Variants in SRPK2 observed in about 807,000 individuals in gnomAD.
SRPK2 encodes SRSF protein kinase 2, also known as SFRS protein kinase 2.
A neutral mutation model predicts 90.8 loss-of-function variants in SRPK2; 21 were observed. The ratio of observed to expected loss-of-function variants is 0.23; its 90% CI spans 0.16 to 0.33. The LOEUF (loss-of-function observed/expected upper bound fraction) is 0.33, where lower values mean the gene tolerates loss of function less well. Ranked by LOEUF, SRPK2 falls within the 10% of genes least tolerant of loss-of-function variation. SRPK2 has a pLI of 1.00. For missense variants in SRPK2, 620 were observed against 869.0 expected, an observed-to-expected ratio of 0.71 and a Z score of 3.60; for synonymous variants, 288 against 311.1, an observed-to-expected ratio of 0.93 and a Z score of 0.78.
At chr7:105,234,686 G>A (rs1425127113) in intron 2 of SRPK2, among the ~76,000 whole-genome samples, 1 of 152,030 alleles carries the variant, frequency 6.6e-6, no homozygotes, top group East Asian at 1.9e-4. Context: ...GCGTTGGAGA[G>A]GCAGCCTTAA....
chr7:105,269,248 C>A (rs142420776), intron 2 of SRPK2, among the ~76,000 whole-genome samples: 80 of 152,100 alleles, frequency 5.3e-4, no homozygotes, highest in African/African-American at 1.9e-3. Flanking sequence ...TGGGTAATCA[C>A]GTCACAGGCT....
chr7:105,179,824 C>CAAAAAAAAAAAAAA (rs1185836588), intron 3 of SRPK2, among the ~76,000 whole-genome samples: 3 of 60,272 alleles, frequency 5.0e-5, no homozygotes, highest in Non-Finnish European at 8.5e-5. Context: ...GAGTCCATCT[C>CAAAAAAAAAAAAAA]AAAAAAAAAA....
intron 2 of SRPK2, chr7:105,301,811 C>G (rs1399657570): frequency 3.8e-6 from 6 of 1,561,058 alleles, no homozygotes; most frequent in Non-Finnish European, 5.3e-6. Flanking sequence ...CCGCTATGAC[C>G]TGTACATTGT....
intron 1 of SRPK2, among the ~76,000 whole-genome samples, chr7:105,396,788 A>AAG (rs1177883886): frequency 7.7e-6 from 1 of 130,052 alleles, no homozygotes; most frequent in Non-Finnish European, 1.6e-5. Context: ...GAGAGAAAGA[A>AAG]AGAAAGAGAA....
chr7:105,338,973 G>C (rs1203777324), intron 2 of SRPK2, among the ~76,000 whole-genome samples: 1 of 152,102 alleles, frequency 6.6e-6, no homozygotes, highest in Non-Finnish European at 1.5e-5. Flanking sequence ...AAAAGGGAGA[G>C]CAGTCAACTC....
intron 3 of SRPK2, among the ~76,000 whole-genome samples, chr7:105,195,866 C>G (rs1388993053): frequency 6.6e-6 from 1 of 152,212 alleles, no homozygotes; most frequent in East Asian, 1.9e-4. Flanking sequence ...GATTGTTCTA[C>G]TGGGGTGCCA....
At chr7:105,213,693 C>T (rs1797122697) in intron 2 of SRPK2, among the ~76,000 whole-genome samples, 1 of 152,168 alleles carries the variant, frequency 6.6e-6, no homozygotes, top group Admixed American at 6.5e-5. Flanking sequence ...GACCCATACG[C>T]TCTTCTATCT....
At chr7:105,137,638 G>A (rs1413090903) in intron 11 of SRPK2, among the ~76,000 whole-genome samples, 1 of 152,164 alleles carries the variant, frequency 6.6e-6, no homozygotes. Flanking sequence ...TACACACTAA[G>A]GCTCTGGCAG....
intron 2 of SRPK2, among the ~76,000 whole-genome samples, chr7:105,297,009 G>A (rs1809910799): frequency 6.6e-6 from 1 of 152,102 alleles, no homozygotes; most frequent in African/African-American, 2.4e-5. Context: ...AATAATGTGT[G>A]GTGGGGTTTT....
At chr7:105,266,039 C>T (rs1805023670) in intron 2 of SRPK2, among the ~76,000 whole-genome samples, 1 of 152,098 alleles carries the variant, frequency 6.6e-6, no homozygotes, top group African/African-American at 2.4e-5. Flanking sequence ...CATAACTCCC[C>T]TACAAAATGG....
chr7:105,185,475 T>G (rs1051620488), intron 3 of SRPK2, among the ~76,000 whole-genome samples: 1 of 152,108 alleles, frequency 6.6e-6, no homozygotes, highest in Non-Finnish European at 1.5e-5. Flanking sequence ...CAAGGGTATA[T>G]ATTATAGCAC....
At chr7:105,124,515 C>A (rs1369880441) in intron 15 of SRPK2, among the ~76,000 whole-genome samples, 4 of 151,694 alleles carry the variant, frequency 2.6e-5, no homozygotes, top group African/African-American at 9.7e-5. Context: ...GTGGCAGGTG[C>A]CTGTAATCCC....
At chr7:105,295,001 A>AGGAG (rs1270702856) in intron 2 of SRPK2, among the ~76,000 whole-genome samples, 2 of 152,148 alleles carry the variant, frequency 1.3e-5, no homozygotes, top group Non-Finnish European at 2.9e-5. Flanking sequence ...ACCTGAGGTC[A>AGGAG]GGAGTTCGAG....
chr7:105,192,894 T>G (rs1459536066), intron 3 of SRPK2, among the ~76,000 whole-genome samples: 1 of 152,066 alleles, frequency 6.6e-6, no homozygotes, highest in Non-Finnish European at 1.5e-5. Flanking sequence ...TCATGGGATT[T>G]TTTTTTCCTT....
chr7:105,215,225 TATAA>T (rs1797314687), intron 2 of SRPK2, among the ~76,000 whole-genome samples: 1 of 151,976 alleles, frequency 6.6e-6, no homozygotes, highest in South Asian at 2.1e-4. Context: ...GAGCTAAAAT[TATAA>T]AACTCCTAGG....
intron 2 of SRPK2, among the ~76,000 whole-genome samples, chr7:105,346,008 G>A (rs759434017): frequency 3.9e-5 from 6 of 152,098 alleles, no homozygotes; most frequent in Non-Finnish European, 7.3e-5. Flanking sequence ...CTGCTGACTA[G>A]ACATTAAGAT....
chr7:105,146,337 G>A (rs1307396156), intron 8 of SRPK2, among the ~76,000 whole-genome samples, 156 bp downstream of exon 8: 1 of 152,122 alleles, frequency 6.6e-6, no homozygotes, highest in Non-Finnish European at 1.5e-5. Flanking sequence ...ATGTAGCTGG[G>A]GCATTTTCCA....
At chr7:105,291,360 CT>C (rs1473045775) in intron 2 of SRPK2, among the ~76,000 whole-genome samples, 3 of 152,148 alleles carry the variant, frequency 2.0e-5, no homozygotes, top group African/African-American at 7.2e-5. Context: ...CTAACTCTGT[CT>C]GACATTTGGA....
At chr7:105,265,831 A>T (rs1804989081) in intron 2 of SRPK2, among the ~76,000 whole-genome samples, 1 of 152,048 alleles carries the variant, frequency 6.6e-6, no homozygotes, top group Non-Finnish European at 1.5e-5. Context: ...CGTAACTATT[A>T]TATACATCAT....
Sources: allele counts gnomAD v4.1 joint callset (sites outside exome capture counted in the v4.1 genomes callset), GRCh38; gene constraint gnomAD v4.1.1; transcripts MANE v1.5; gene names NCBI Gene and HGNC (gene_info 2026-07-23, HGNC 2026-07-21).